Variants in TMCC2 observed in about 807,000 individuals in gnomAD.
TMCC2 encodes transmembrane and coiled-coil domains protein 2.
In TMCC2, 16 loss-of-function variants were observed where a neutral mutation model predicts 49.4. The observed-to-expected ratio is 0.32, with a 90% confidence interval of 0.22 to 0.49. The LOEUF is 0.49. TMCC2 is among the 20% of genes least tolerant of loss of function. The probability of loss-of-function intolerance (pLI) is 0.99; values close to 1 mark genes in which losing one functional copy is unlikely to be tolerated. For missense variants in TMCC2, 762 were observed against 989.8 expected (o/e 0.77, Z 3.09); for synonymous variants, 397 against 434.1 (o/e 0.91, Z 1.06).
chr1:205,235,499 T>C (rs948823016), intron 1 of TMCC2, among the ~76,000 whole-genome samples: 1 of 152,158 alleles, frequency 6.6e-6, no homozygotes, highest in Non-Finnish European at 1.5e-5. Flanking sequence ...GTTTTCAAAG[T>C]GTGGGGTTAT....
intron 2 of TMCC2, among the ~76,000 whole-genome samples, chr1:205,250,262 C>T (rs1329393288): frequency 2.0e-5 from 3 of 152,116 alleles, no homozygotes; most frequent in South Asian, 4.1e-4. Context: ...AAATATCGGC[C>T]GGGCACGGTG....
intron 1 of TMCC2, chr1:205,229,892 CCACAGGGACTGCAGG>C: frequency 1.0e-6 from 1 of 985,434 alleles, no homozygotes; most frequent in Non-Finnish European, 1.2e-6. Flanking sequence ...GCCGGAACTG[CCACAGGGACTGCAGG>C]CTCAGGCTTC....
chr1:205,252,041 T>C (rs1558650308), intron 2 of TMCC2, among the ~76,000 whole-genome samples: 1 of 152,220 alleles, frequency 6.6e-6, no homozygotes, highest in Non-Finnish European at 1.5e-5. Context: ...TCACTTTCTC[T>C]TGGGCCTGTT....
Position 205,269,018 on chromosome 1 carries a change from C to T in TMCC2, c.816C>T (p.Ser272=), listed in dbSNP as rs908083870. The change falls in exon 3 of 5, where the codon AGC becomes AGT. Residue 272 remains serine (S), a synonymous_variant. Coordinates refer to ENST00000358024, the MANE Select transcript of TMCC2 (RefSeq NM_014858.4). ...AGHGDTDGPI[S]LDVPDGAPDP... ...ATGGTGACACCGACGGCCCCATCAG[C>T]CTGGACGTGCCCGATGGGGCACCGG... The T allele has an allele frequency of 6.2e-7, 1 of 1,613,492 alleles. No individual in the cohort carries two copies.
intron 3 of TMCC2, among the ~76,000 whole-genome samples, chr1:205,270,471 G>A (rs1482897691): frequency 3.3e-5 from 5 of 152,330 alleles, no homozygotes; most frequent in Non-Finnish European, 5.9e-5. Flanking sequence ...CTCCGGTCCT[G>A]TGCTGCCCTT....
intron 2 of TMCC2, among the ~76,000 whole-genome samples, chr1:205,260,071 T>C (rs1415757559): frequency 6.6e-6 from 1 of 152,080 alleles, no homozygotes; most frequent in Non-Finnish European, 1.5e-5. Flanking sequence ...TGGAGGGGGA[T>C]CATGGAAGAA....
chr1:205,246,808 C>T, intron 2 of TMCC2: 1 of 1,102,478 alleles, frequency 9.1e-7, no homozygotes. Context: ...CTTTGGTTGC[C>T]TAGGGCTCCC....
At position 205,249,876 on chromosome 1, in the gene TMCC2, G is replaced by C. The variant is rs114356363; in HGVS notation, c.747+7832G>C. On this transcript the variant is annotated intron_variant, in intron 2 of 4. Transcript: ENST00000358024. ...GCCAGTGGCTCGCCAGGCCAGGGCA[G>C]GGCAGCTGTGTGATTTGCCATGAAT... Among the ~76,000 whole-genome samples, 1,239 of 152,378 alleles carry C rather than the reference G, an allele frequency of 8.1e-3. 5 individuals are homozygous for C. Among genetic ancestry groups the C allele is most frequent in the Middle Eastern group, 0.02 (6 of 294 alleles).
At chr1:205,242,976 G>T (rs1258096503) in intron 2 of TMCC2, among the ~76,000 whole-genome samples, 1 of 152,232 alleles carries the variant, frequency 6.6e-6, no homozygotes, top group African/African-American at 2.4e-5. Flanking sequence ...TGACAGGTAG[G>T]CAGAGGCCAC....
chr1:205,228,859 A>AG, intron 1 of TMCC2, 88 bp downstream of exon 1: 1 of 1,475,340 alleles, frequency 6.8e-7, no homozygotes. Flanking sequence ...GATAAAAGTG[A>AG]GGGGGGAAGC....
intron 2 of TMCC2, among the ~76,000 whole-genome samples, chr1:205,255,496 A>G (rs545617576): frequency 1.3e-5 from 2 of 152,316 alleles, no homozygotes; most frequent in East Asian, 1.9e-4. Context: ...TGGAGGTTGC[A>G]GTGAGCCAAG....
At chr1:205,231,683 C>G (rs1183405866) in intron 1 of TMCC2, among the ~76,000 whole-genome samples, 2 of 152,164 alleles carry the variant, frequency 1.3e-5, no homozygotes, top group Non-Finnish European at 2.9e-5. Flanking sequence ...ATTATTGACT[C>G]TGGAACTGGG....
At chr1:205,247,245 G>A (rs1434828139) in intron 2 of TMCC2, among the ~76,000 whole-genome samples, 1 of 152,142 alleles carries the variant, frequency 6.6e-6, no homozygotes, top group African/African-American at 2.4e-5. Context: ...CTAAGGCCTA[G>A]AGGAAAAGAG....
Position 205,264,098 on chromosome 1 carries a change from C to T in TMCC2, c.748-4852C>T, listed in dbSNP as rs1033450093. ...TGTAAACACTGAGAGACAAGTCTGA[C>T]GTATGTCAAGAAATGTTAGTGTTTG... On this transcript the variant is annotated intron_variant, in intron 2 of 4. Coordinates refer to ENST00000358024, the MANE Select transcript of TMCC2 (RefSeq NM_014858.4). The surrounding 1 kb of genome is among the most constrained non-coding windows in gnomAD (Gnocchi z 4.2). 6.6e-6 allele frequency among the ~76,000 whole-genome samples: 1 copy of T among 152,156 alleles called. No individual in the cohort carries two copies. The highest frequency in any genetic ancestry group is 1.5e-5 in the Non-Finnish European group (1 of 68,030).
In TMCC2 at chr1:205,228,386, C is replaced by G; in HGVS notation, c.-179C>G. ...AGCTATAACCAAGGCTCCCCCTTCT[C>G]GCCCCTCCCTCACCCGCCTTTAAGA... On this transcript the variant is annotated 5_prime_UTR_variant, in exon 1 of 5. Transcript: ENST00000358024. 1.8e-6 allele frequency: 1 copy of G among 560,540 alleles called. No homozygotes were observed. The highest frequency in any genetic ancestry group is 3.2e-6 in the Non-Finnish European group (1 of 317,246). The allele number at this position is 560,540 out of a possible 1,614,324, so 34.7% of individuals were successfully genotyped here.
In TMCC2 at chr1:205,272,373, C is replaced by T; in HGVS notation, c.*249C>T. The T allele has an allele frequency of 1.5e-6, 1 of 654,704 alleles. No individual in the cohort carries two copies. The highest frequency in any genetic ancestry group is 4.3e-4 in the Middle Eastern group (1 of 2,312). 40.6% of individuals were successfully genotyped at this position (654,704 alleles called of 1,614,324 possible). A position where few individuals can be genotyped will look rare whatever the true frequency, so the allele number is the denominator to read the frequency against. ...TGTGGCCAAGTGGAGCAGAGGTGGA[C>T]ATGGGGTTGGATTGTTTTGATTATT... On this transcript the variant is annotated 3_prime_UTR_variant, in exon 5 of 5. Coordinates refer to ENST00000358024, the MANE Select transcript of TMCC2 (RefSeq NM_014858.4).
At chr1:205,239,298 C>T (rs1660177263) in intron 1 of TMCC2, among the ~76,000 whole-genome samples, 1 of 152,214 alleles carries the variant, frequency 6.6e-6, no homozygotes, top group Non-Finnish European at 1.5e-5. Flanking sequence ...AGGGAGGTCT[C>T]ACATCAGCTT....
intron 2 of TMCC2, among the ~76,000 whole-genome samples, chr1:205,242,622 G>C (rs764325719): frequency 9.2e-5 from 14 of 152,172 alleles, no homozygotes; most frequent in Non-Finnish European, 1.8e-4. Flanking sequence ...TTTTATTCGT[G>C]TAACAAGTAT....
chr1:205,229,578 G>T (rs1659710472), intron 1 of TMCC2: 2 of 888,756 alleles, frequency 2.3e-6, no homozygotes, highest in South Asian at 1.1e-4. Context: ...GGGCGGGGGG[G>T]GAAGGTGGAT....
Sources: allele counts gnomAD v4.1 joint callset (sites outside exome capture counted in the v4.1 genomes callset), GRCh38; gene constraint gnomAD v4.1.1; non-coding constraint Gnocchi (gnomAD v3.1); transcripts MANE v1.5; gene names NCBI Gene and HGNC (gene_info 2026-07-23, HGNC 2026-07-21).